The following RALGAPA1 variants were observed in gnomAD, a reference collection of about 807,000 sequenced individuals.
RALGAPA1 encodes ral GTPase-activating protein subunit alpha-1.
A neutral mutation model predicts 269.6 loss-of-function variants in RALGAPA1; 52 were observed. That is an observed-to-expected ratio of 0.19 (90% CI 0.15 to 0.24). RALGAPA1 has a LOEUF of 0.24. Ranked by LOEUF, RALGAPA1 falls within the 10% of genes least tolerant of loss-of-function variation. RALGAPA1 has a pLI of 1.00. For synonymous variants in RALGAPA1, 817 were observed against 1,008.3 expected, an observed-to-expected ratio of 0.81 and a Z score of 3.60; for missense variants, 1,917 against 3,013.9, an observed-to-expected ratio of 0.64 and a Z score of 8.52.
intron 35 of RALGAPA1, among the ~76,000 whole-genome samples, chr14:35,606,634 G>A (rs552704574): frequency 6.6e-6 from 1 of 151,964 alleles, no homozygotes; most frequent in South Asian, 2.1e-4. Context: ...ATTTAGCTTT[G>A]AAATTTGGCT....
At chr14:35,701,076 A>G (rs2067307656) in intron 16 of RALGAPA1, among the ~76,000 whole-genome samples, 1 of 152,240 alleles carries the variant, frequency 6.6e-6, no homozygotes, top group Admixed American at 6.5e-5. Context: ...ATTACTTTTT[A>G]AAAATTGCAT....
chr14:35,645,346 GGTGTGT>G (rs58039867), intron 31 of RALGAPA1, among the ~76,000 whole-genome samples: 1,755 of 129,530 alleles, frequency 0.014, 15 homozygotes, highest in African/African-American at 0.024. Context: ...TATAGAGATG[GGTGTGT>G]GTGTGTGTGT....
intron 31 of RALGAPA1, among the ~76,000 whole-genome samples, chr14:35,650,986 A>G (rs764805212): frequency 2.7e-5 from 4 of 148,624 alleles, no homozygotes; most frequent in African/African-American, 1.0e-4. Context: ...TTTAGTGTCA[A>G]CTGAAAGCAA....
At chr14:35,715,850 T>A (rs1158612848) in intron 16 of RALGAPA1, 14 of 985,326 alleles carry the variant, frequency 1.4e-5, no homozygotes, top group Non-Finnish European at 1.7e-5. Flanking sequence ...CATCCCACTT[T>A]TCCAGTGTGC....
chr14:35,693,240 T>TA (rs2066637303), intron 17 of RALGAPA1, among the ~76,000 whole-genome samples: 2 of 151,558 alleles, frequency 1.3e-5, no homozygotes, highest in Admixed American at 6.6e-5. Flanking sequence ...AAAAGAATTT[T>TA]AAAAAAACCA....
chr14:35,634,503 C>T, intron 33 of RALGAPA1, 71 bp downstream of exon 33: 1 of 1,248,942 alleles, frequency 8.0e-7, no homozygotes, highest in Non-Finnish European at 1.1e-6. Flanking sequence ...CCAATATTTC[C>T]ACCCATGGCC....
chr14:35,714,526 C>T (rs1192636507), intron 16 of RALGAPA1, among the ~76,000 whole-genome samples: 2 of 152,182 alleles, frequency 1.3e-5, no homozygotes, highest in African/African-American at 4.8e-5. Flanking sequence ...ATAACACCAG[C>T]TCTCTACCTC....
chr14:35,635,963 T>C (rs1388481308), intron 31 of RALGAPA1, among the ~76,000 whole-genome samples: 1 of 152,224 alleles, frequency 6.6e-6, no homozygotes, highest in African/African-American at 2.4e-5. Context: ...ACTTCCACTT[T>C]CCTTTTCTAA....
At chr14:35,605,536 T>G in intron 36 of RALGAPA1, 50 bp downstream of exon 36, 1 of 1,509,216 alleles carries the variant, frequency 6.6e-7, no homozygotes, top group Non-Finnish European at 8.8e-7. Flanking sequence ...AAAAGAAAAA[T>G]AAGCTTATGC....
At chr14:35,685,836 G>A (rs1003110789) in intron 19 of RALGAPA1, among the ~76,000 whole-genome samples, 6 of 152,144 alleles carry the variant, frequency 3.9e-5, no homozygotes, top group Admixed American at 1.3e-4. Flanking sequence ...CCCGGGAGAC[G>A]GAGGCTGCAG....
chr14:35,689,911 T>G lies in RALGAPA1; in HGVS notation c.2500A>C (p.Asn834His). The G allele has an allele frequency of 6.2e-7, 1 of 1,603,088 alleles. No individual in the cohort carries two copies. The highest frequency in any genetic ancestry group is 1.1e-5 in the South Asian group (1 of 89,318). ...ETGNEVFGAL[N>H]EEQPLPRSSS... The stretch of plus-strand genomic sequence containing the variant: ...CTTCGAGGCAATGGCTGCTCCTCAT[T>G]CAAAGCACCAAAAACTTCATTTCCA... The change falls in exon 18 of 42, where the codon AAT (asparagine) becomes CAT (histidine). Residue 834 changes from asparagine to histidine, a missense_variant. Transcript: ENST00000680220.
chr14:35,685,846 G>T (rs2065879562), intron 19 of RALGAPA1, among the ~76,000 whole-genome samples: 1 of 152,176 alleles, frequency 6.6e-6, no homozygotes, highest in African/African-American at 2.4e-5. Flanking sequence ...GGAGGCTGCA[G>T]TGAGCACTGC....
chr14:35,673,923 G>A (rs1186874316), intron 24 of RALGAPA1, among the ~76,000 whole-genome samples: 1 of 152,070 alleles, frequency 6.6e-6, no homozygotes, highest in Non-Finnish European at 1.5e-5. Flanking sequence ...ACAACTCAAA[G>A]TTTATACTTC....
chr14:35,634,580 T>C lies in RALGAPA1; in HGVS notation c.5989A>G (p.Thr1997Ala). ...SERSSKLQPV[T>A]EVKTQMQHGL... ...TGAACAGAATTCATGTTACCTTCTG[T>C]TACTGGCTGGAGTTTAGAAGATCGT... Residue 1997 changes from threonine to alanine, a missense_variant, in exon 33 of 42, where the codon ACA becomes GCA. Physicochemically the swap from Thr to Ala is moderately conservative, Grantham distance 58. Around this residue, in one of 11 missense-constraint regions of RALGAPA1, gnomAD observed 346 missense variants for 566.1 expected, o/e 0.61. Coordinates refer to ENST00000680220, the MANE Select transcript of RALGAPA1 (RefSeq NM_001346249.2). 1 of 1,610,444 alleles carries C rather than the reference T, an allele frequency of 6.2e-7. No individual in the cohort carries two copies. Among genetic ancestry groups the C allele is most frequent in the South Asian group, 1.1e-5 (1 of 90,494 alleles).
At chr14:35,577,415 T>C (rs550188761) in intron 37 of RALGAPA1, among the ~76,000 whole-genome samples, 1 of 152,274 alleles carries the variant, frequency 6.6e-6, no homozygotes, top group East Asian at 1.9e-4. Context: ...GAGAGCTTAC[T>C]TGACTCTTCT....
At chr14:35,624,083 T>C (rs1362920079) in intron 35 of RALGAPA1, among the ~76,000 whole-genome samples, 4 of 131,172 alleles carry the variant, frequency 3.0e-5, no homozygotes, top group Admixed American at 8.3e-5. Context: ...CAAGACTCCA[T>C]CTCAAAAAAA....
chr14:35,637,584 G>A (rs1224990095), intron 31 of RALGAPA1, among the ~76,000 whole-genome samples: 1 of 152,100 alleles, frequency 6.6e-6, no homozygotes, highest in East Asian at 1.9e-4. Flanking sequence ...AACTAGAAAA[G>A]AGCATCAAAA....
At chr14:35,714,349 A>T (rs2068625169) in intron 16 of RALGAPA1, among the ~76,000 whole-genome samples, 2 of 152,130 alleles carry the variant, frequency 1.3e-5, no homozygotes, top group Admixed American at 6.5e-5. Flanking sequence ...GTAATGTGGC[A>T]TCTTACTGTG....
intron 10 of RALGAPA1, 160 bp downstream of exon 10, chr14:35,748,425 A>G: frequency 1.4e-6 from 1 of 694,442 alleles, no homozygotes; most frequent in Non-Finnish European, 2.0e-6. Context: ...TGTTGTCCAA[A>G]GTGGCCTCAA....
Sources: gnomAD v4.1 joint callset for allele counts (sites outside exome capture counted in the v4.1 genomes callset) on GRCh38, gnomAD v4.1.1 for gene constraint, gnomAD v4.1.1 regional missense constraint, MANE v1.5 for transcripts, NCBI Gene and HGNC (gene_info 2026-07-23, HGNC 2026-07-21) for gene names.